GSTO1: variants seen among roughly 807,000 people sequenced by gnomAD.
GSTO1 encodes the protein glutathione S-transferase omega-1.
GSTO1 carries 27 observed loss-of-function variants against 23.8 expected under a neutral mutation model. That is an observed-to-expected ratio of 1.13 (90% CI 0.83 to 1.56). GSTO1 has a LOEUF of 1.56. GSTO1 is among the 40% of genes most tolerant of loss of function. The probability of loss-of-function intolerance (pLI) is 0.00; values close to 1 mark genes in which losing one functional copy is unlikely to be tolerated. For missense variants in GSTO1, 255 were observed against 285.8 expected (o/e 0.89, Z 0.78); for synonymous variants, 105 against 109.3 (o/e 0.96, Z 0.25).
At chr10:104,254,619 C>T, upstream of GSTO1, 2 of 474,622 alleles carry the variant, frequency 4.2e-6, no homozygotes, top group Non-Finnish European at 3.8e-6. Flanking sequence ...AGACGTGGAG[C>T]CCCGTGGAGT....
chr10:104,265,566 C>T (rs890964811), intron 4 of GSTO1, among the ~76,000 whole-genome samples: 1 of 152,210 alleles, frequency 6.6e-6, no homozygotes, highest in Admixed American at 6.5e-5. Context: ...ATTTACACCT[C>T]TACGACAGTG....
At chr10:104,254,712 C>T, upstream of GSTO1, 1 of 611,042 alleles carries the variant, frequency 1.6e-6, no homozygotes. Flanking sequence ...GGGTGCAGCC[C>T]TTGGCCAGCG....
At chr10:104,258,433 G>A (rs966571707) in intron 2 of GSTO1, among the ~76,000 whole-genome samples, 3 of 152,118 alleles carry the variant, frequency 2.0e-5, no homozygotes, top group African/African-American at 7.2e-5. Flanking sequence ...CAAAGGAAAC[G>A]ATTAACAGAG....
At chr10:104,267,214 A>G (rs372680222) in intron 5 of GSTO1, 38 bp from the exon 6 acceptor site, 3 of 1,492,744 alleles carry the variant, frequency 2.0e-6, no homozygotes, top group African/African-American at 2.8e-5. Flanking sequence ...ATCCTAGTTG[A>G]CCTAGCTCAC....
rs374294843 is a variant in GSTO1, at chr10:104,259,649, C to T, written c.217C>T (p.Pro73Ser). ...TAAGAAAAATCCCTTTGGTCTGGTG[C>T]CAGTTCTGGAAAACAGTCAGGGTCA... ...FFKKNPFGLV[P>S]VLENSQGQLI... The change falls in exon 3 of 6, where the codon CCA becomes TCA. Residue 73 changes from proline (P) to serine (S), a missense_variant. Physicochemically the swap from Pro to Ser is moderately conservative, Grantham distance 74 (BLOSUM62 -1). Transcript: ENST00000369713. The T allele has an allele frequency of 1.1e-5, 18 of 1,613,140 alleles. No homozygotes were observed. Among genetic ancestry groups the T allele is most frequent in the Non-Finnish European group, 1.4e-5 (17 of 1,179,276 alleles).
At chr10:104,262,792 C>A (rs1306668600) in intron 3 of GSTO1, among the ~76,000 whole-genome samples, 187 bp from the exon 4 acceptor site, 1 of 152,184 alleles carries the variant, frequency 6.6e-6, no homozygotes, top group Non-Finnish European at 1.5e-5. Flanking sequence ...ACCAAGCCAG[C>A]ATTTTAGGCC....
In GSTO1 at chr10:104,259,815, T is replaced by C; in HGVS notation, c.366+17T>C. 6.6e-7 allele frequency: 1 copy of C among 1,522,870 alleles called. No homozygotes were observed. The highest frequency in any genetic ancestry group is 9.1e-7 in the Non-Finnish European group (1 of 1,100,314). The allele number at this position is 1,522,870 out of a possible 1,614,324, so 94.3% of individuals were successfully genotyped here. A position where few individuals can be genotyped will look rare whatever the true frequency, so the allele number is the denominator to read the frequency against. On this transcript the variant is annotated intron_variant, in intron 3 of 5. Transcript: ENST00000369713. ...TTTTCTAAGGTTTGTGCATAAGAAA[T>C]TTCAGCTCCTATTTGAAAAACCTGT...
upstream of GSTO1, chr10:104,254,732 G>A (rs2091592655): frequency 3.2e-6 from 2 of 625,282 alleles, no homozygotes; most frequent in Admixed American, 2.6e-5. Flanking sequence ...GAGATGCTTT[G>A]ACACAGCCCC....
chr10:104,255,007 CG>C, intron 1 of GSTO1, 45 bp downstream of exon 1: 1 of 837,594 alleles, frequency 1.2e-6, no homozygotes, highest in African/African-American at 1.6e-5. Flanking sequence ...CGGCGACCCC[CG>C]GCGGCATGTT....
intron 4 of GSTO1, among the ~76,000 whole-genome samples, chr10:104,265,183 C>A (rs963968019): frequency 2.0e-5 from 3 of 152,196 alleles, no homozygotes; most frequent in African/African-American, 7.2e-5. Context: ...CACGTTTTCA[C>A]AAAGCGAACA....
chr10:104,267,169 G>A, intron 5 of GSTO1, 83 bp from the exon 6 acceptor site: 1 of 772,602 alleles, frequency 1.3e-6, no homozygotes, highest in Non-Finnish European at 2.1e-6. Context: ...TGAAACTGTA[G>A]AGTAATAATT....
At chr10:104,260,501 C>T (rs1441392827) in intron 3 of GSTO1, among the ~76,000 whole-genome samples, 1 of 152,204 alleles carries the variant, frequency 6.6e-6, no homozygotes, top group African/African-American at 2.4e-5. Context: ...TAGCATCAAG[C>T]AGTGAGCATC....
intron 2 of GSTO1, among the ~76,000 whole-genome samples, chr10:104,258,485 C>T (rs1328476660): frequency 2.0e-5 from 3 of 152,142 alleles, no homozygotes; most frequent in Non-Finnish European, 4.4e-5. Context: ...ACTTGCAAAC[C>T]ACATACCTGG....
intron 2 of GSTO1, 77 bp downstream of exon 2, chr10:104,255,348 G>GC: frequency 1.1e-6 from 1 of 906,894 alleles, no homozygotes. Context: ...TGGGGTCTCA[G>GC]CCCCCTTCTA....
chr10:104,266,037 T>C, intron 4 of GSTO1, 47 bp from the exon 5 acceptor site: 1 of 991,332 alleles, frequency 1.0e-6, no homozygotes, highest in East Asian at 2.4e-5. Flanking sequence ...TAGTGAGTCT[T>C]ACTACATGCA....
At chr10:104,260,206 G>C (rs2011127963) in intron 3 of GSTO1, among the ~76,000 whole-genome samples, 1 of 152,140 alleles carries the variant, frequency 6.6e-6, no homozygotes, top group South Asian at 2.1e-4. Context: ...CCATCCGTGT[G>C]AACTTTTGCC....
rs45437795 is a variant in GSTO1, at chr10:104,266,278, T to C, written c.572+88T>C. On this transcript the variant is annotated intron_variant, in intron 5 of 5. Coordinates refer to ENST00000369713, the MANE Select transcript of GSTO1 (RefSeq NM_004832.3). ...TTTCTTTATAACAGAAGTTGAAATA[T>C]TTAATACAACTGGTCTGAATGAGAA... 80 of 741,732 alleles carry C rather than the reference T, an allele frequency of 1.1e-4. No homozygotes were observed. In the African/African-American group the frequency reaches 1.3e-3, roughly 12 times the overall value. 45.9% of individuals were successfully genotyped at this position (741,732 alleles called of 1,614,324 possible). A position where few individuals can be genotyped will look rare whatever the true frequency, so the allele number is the denominator to read the frequency against.
chr10:104,262,977 A>G lies in GSTO1; in HGVS notation c.367-2A>G, dbSNP rs775746306. On this transcript the variant is annotated splice_acceptor_variant, in intron 3 of 5. Transcript: ENST00000369713. LOFTEE classifies it high-confidence loss of function. Reference sequence around the variant, plus strand: ...TAAACTAAGAAATTATTCTCTGTCTAGGTGCCATCCTTGGTAGGAAGCTTT... The same window carrying G: ...TAAACTAAGAAATTATTCTCTGTCTGGGTGCCATCCTTGGTAGGAAGCTTT... 3.8e-6 allele frequency: 5 copies of G among 1,314,088 alleles called. No homozygotes were observed. The Admixed American group carries it at 7.2e-5, about 19-fold the overall frequency. 81.4% of individuals were successfully genotyped at this position (1,314,088 alleles called of 1,614,324 possible). A position where few individuals can be genotyped will look rare whatever the true frequency, so the allele number is the denominator to read the frequency against.
intron 5 of GSTO1, among the ~76,000 whole-genome samples, chr10:104,266,866 C>T (rs188327990): frequency 2.6e-5 from 4 of 152,300 alleles, no homozygotes; most frequent in Admixed American, 1.3e-4. Context: ...AGTTTGGCAG[C>T]CACCTTGCCT....
Sources: gnomAD v4.1 joint callset for allele counts (sites outside exome capture counted in the v4.1 genomes callset) on GRCh38, gnomAD v4.1.1 for gene constraint, MANE v1.5 for transcripts, NCBI Gene and HGNC (gene_info 2026-07-23, HGNC 2026-07-21) for gene names.